The following COL12A1 variants were observed in gnomAD, a reference collection of about 807,000 sequenced individuals.
COL12A1 encodes the protein collagen type XII alpha 1 chain, also known as collagen alpha-1(XII) chain.
Under a neutral mutation model 349.7 loss-of-function variants are expected in COL12A1, and 114 were observed. The ratio of observed to expected loss-of-function variants is 0.33; its 90% CI spans 0.28 to 0.38. The LOEUF (loss-of-function observed/expected upper bound fraction) is 0.38, where lower values mean the gene tolerates loss of function less well. COL12A1 is among the 10% of genes least tolerant of loss of function. The pLI, the probability that COL12A1 is intolerant of heterozygous loss-of-function variation, is 1.00. For missense variants in COL12A1, 3,284 were observed against 3,756.9 expected (o/e 0.87, Z 3.29); for synonymous variants, 1,369 against 1,329.0 (o/e 1.03, Z -0.66).
intron 46 of COL12A1, chr6:75,117,798 T>C: frequency 2.7e-6 from 1 of 376,138 alleles, no homozygotes; most frequent in South Asian, 3.9e-5. Context: ...AAGATTTTAA[T>C]AGCAGAAAGA....
chr6:75,181,798 A>C (rs532831596), intron 10 of COL12A1, among the ~76,000 whole-genome samples: 1 of 152,110 alleles, frequency 6.6e-6, no homozygotes, highest in African/African-American at 2.4e-5. Context: ...ACAACCAAAA[A>C]AAAAAGGCAG....
chr6:75,141,878 T>C (rs1198631239), intron 27 of COL12A1, among the ~76,000 whole-genome samples, 154 bp downstream of exon 27: 4 of 152,160 alleles, frequency 2.6e-5, no homozygotes, highest in African/African-American at 4.8e-5. Flanking sequence ...GGACACCTTG[T>C]TACAAAAAAA....
intron 14 of COL12A1, among the ~76,000 whole-genome samples, chr6:75,162,434 T>A (rs1210323515): frequency 6.6e-6 from 1 of 152,172 alleles, no homozygotes; most frequent in Non-Finnish European, 1.5e-5. Context: ...TAATAAATGG[T>A]GTTGGGAAAA....
intron 13 of COL12A1, among the ~76,000 whole-genome samples, chr6:75,168,546 A>T (rs945076620): frequency 6.6e-6 from 1 of 152,186 alleles, no homozygotes; most frequent in Non-Finnish European, 1.5e-5. Flanking sequence ...ACTGGACTGG[A>T]CTTGAACCGA....
rs182911346 is a variant in COL12A1, at chr6:75,198,099, T to A, written c.74-3152A>T. On this transcript the variant is annotated intron_variant, in intron 2 of 65. Transcript: ENST00000322507. ...AGGCAACAACACTTGGATTACATGGTCTGACTACAAAACATACAGTTTTCT... is the reference window on the plus strand; with the variant it reads ...AGGCAACAACACTTGGATTACATGGACTGACTACAAAACATACAGTTTTCT... Among the ~76,000 whole-genome samples the A allele has an allele frequency of 2.0e-3, 297 of 152,306 alleles. 2 individuals carry two copies. Among genetic ancestry groups the A allele is most frequent in the African/African-American group, 6.6e-3 (273 of 41,574 alleles).
At position 75,189,301 on chromosome 6, in the gene COL12A1, T is replaced by C. The variant is rs752032668; in HGVS notation, c.739A>G (p.Ile247Val). 1 of 1,613,232 alleles carries C rather than the reference T, an allele frequency of 6.2e-7. No homozygotes were observed. The highest frequency in any genetic ancestry group is 1.3e-5 in the African/African-American group (1 of 75,002). Residue 247 changes from isoleucine to valine, a missense_variant, in exon 7 of 66, where the codon ATT (isoleucine) becomes GTT (valine). Around this residue, in one of 2 missense-constraint regions of COL12A1, gnomAD observed 2,601 missense variants for 2,824.8 expected, o/e 0.92. Transcript: ENST00000322507. ...ARVGFPKVAIIITDGKSQDEV... is the reference protein window; with the variant it reads ...ARVGFPKVAIVITDGKSQDEV... ...TCCTGGGATTTTCCATCCGTAATAA[T>C]AATTGCCACTTTAGGAAAGCCAACT... is the stretch of plus-strand genomic sequence containing the variant.
At chr6:75,202,896 G>A in intron 1 of COL12A1, 69 bp from the exon 2 acceptor site, 3 of 1,029,636 alleles carry the variant, frequency 2.9e-6, no homozygotes, top group Non-Finnish European at 4.3e-6. Flanking sequence ...TAGAACTGGA[G>A]CCTGGACCTA....
At position 75,097,165 on chromosome 6, in the gene COL12A1, G is replaced by A; in HGVS notation, c.8577+88C>T. 14 of 1,039,754 alleles carry A rather than the reference G, an allele frequency of 1.3e-5. No homozygotes were observed. In the South Asian group the frequency reaches 1.7e-4, roughly 13 times the overall value. 64.4% of individuals were successfully genotyped at this position (1,039,754 alleles called of 1,614,324 possible). ...CAATGATATACTCCACAGCACAGATGGAATGTGCTTCAAAGGCAGGTTACT... is the reference window on the plus strand; with the variant it reads ...CAATGATATACTCCACAGCACAGATAGAATGTGCTTCAAAGGCAGGTTACT... On this transcript the variant is annotated intron_variant, in intron 59 of 65. Coordinates refer to ENST00000322507, the MANE Select transcript of COL12A1 (RefSeq NM_004370.6).
At chr6:75,146,901 G>T (rs1207443443) in intron 23 of COL12A1, among the ~76,000 whole-genome samples, 1 of 152,180 alleles carries the variant, frequency 6.6e-6, no homozygotes, top group Non-Finnish European at 1.5e-5. Flanking sequence ...AAGAGATAAG[G>T]ATCTAAAACT....
intron 63 of COL12A1, among the ~76,000 whole-genome samples, chr6:75,089,594 A>T (rs1767661350): frequency 6.6e-6 from 1 of 152,196 alleles, no homozygotes; most frequent in Non-Finnish European, 1.5e-5. Context: ...TACTCCTTTG[A>T]CAAAAGTGGA....
intron 30 of COL12A1, 33 bp from the exon 31 acceptor site, chr6:75,137,612 A>T (rs1766688748): frequency 1.2e-6 from 2 of 1,612,340 alleles, no homozygotes; most frequent in African/African-American, 2.7e-5. Context: ...CTGAGTAAGC[A>T]GACAGAACAA....
Position 75,085,220 on chromosome 6 carries a change from C to T in COL12A1, c.*1327G>A, listed in dbSNP as rs1488483951. 2 of 468,924 alleles carry T rather than the reference C, an allele frequency of 4.3e-6. No individual in the cohort carries two copies. The highest frequency in any genetic ancestry group is 4.7e-5 in the Admixed American group (2 of 42,538). 29.0% of individuals were successfully genotyped at this position (468,924 alleles called of 1,614,324 possible). ...GCCCGGGTCCGTGGGGCAGGGCGCG[C>T]CGCCAGCGCCGGTGGGGCTCAGGAG... On this transcript the variant is annotated 3_prime_UTR_variant, in exon 66 of 66. Transcript: ENST00000322507.
chr6:75,147,621 A>T lies in COL12A1; in HGVS notation c.4417+54T>A, dbSNP rs541644343. 3 of 1,506,046 alleles carry T rather than the reference A, an allele frequency of 2.0e-6. No homozygotes were observed. In the African/African-American group the frequency reaches 4.3e-5, roughly 21 times the overall value. The allele number at this position is 1,506,046 out of a possible 1,614,324, so 93.3% of individuals were successfully genotyped here. ...GGAAGGTAGGCAAAAATGGGCCATCATGCTTTATCTTGGAAAAGAAAGCAA... is the reference window on the plus strand; with the variant it reads ...GGAAGGTAGGCAAAAATGGGCCATCTTGCTTTATCTTGGAAAAGAAAGCAA... On this transcript the variant is annotated intron_variant, in intron 23 of 65. Transcript: ENST00000322507.
At chr6:75,178,816 AAAGG>A (rs1769113057) in intron 11 of COL12A1, among the ~76,000 whole-genome samples, 1 of 152,212 alleles carries the variant, frequency 6.6e-6, no homozygotes, top group South Asian at 2.1e-4. Context: ...AGGGAGAAAG[AAAGG>A]AAGGAAGTAT....
intron 17 of COL12A1, among the ~76,000 whole-genome samples, chr6:75,152,939 C>A (rs551554845): frequency 2.6e-5 from 4 of 152,034 alleles, no homozygotes; most frequent in African/African-American, 9.6e-5. Context: ...TCATAGCAGA[C>A]AAGAATGAGA....
chr6:75,134,217 T>C (rs532169792), intron 32 of COL12A1, among the ~76,000 whole-genome samples: 4 of 152,158 alleles, frequency 2.6e-5, no homozygotes, highest in African/African-American at 7.2e-5. Flanking sequence ...CTTTCTATCC[T>C]AGAAAGTAAC....
At chr6:75,087,901 G>T (rs1767582531) in intron 64 of COL12A1, among the ~76,000 whole-genome samples, 154 bp from the exon 65 acceptor site, 1 of 152,170 alleles carries the variant, frequency 6.6e-6, no homozygotes, top group Admixed American at 6.5e-5. Flanking sequence ...TACCCAATAT[G>T]AACCAAGGTG....
rs1308564004 is a variant in COL12A1, at chr6:75,165,569, G to A, written c.2921C>T (p.Ser974Leu). The A allele has an allele frequency of 6.2e-7, 1 of 1,613,930 alleles. No homozygotes were observed. The highest frequency in any genetic ancestry group is 8.5e-7 in the Non-Finnish European group (1 of 1,179,886). ...NLQPETKYRI[S>L]VFATYSSGEG... ...TCCACTGCTGTAAGTGGCAAATACT[G>A]AAATTCTGTATTTGGTCTCTGGCTG... is the stretch of plus-strand genomic sequence containing the variant. The change falls in exon 14 of 66, where the codon TCA becomes TTA. Residue 974 changes from serine (S) to leucine (L), a missense_variant. Transcript: ENST00000322507.
chr6:75,086,877 G>A (rs1188803382), intron 65 of COL12A1, among the ~76,000 whole-genome samples: 1 of 151,942 alleles, frequency 6.6e-6, no homozygotes, highest in Admixed American at 6.6e-5. Context: ...TTTGAAAGTA[G>A]CAAATCATAT....
Sources: gnomAD v4.1 joint callset for allele counts (sites outside exome capture counted in the v4.1 genomes callset) on GRCh38, gnomAD v4.1.1 for gene constraint, gnomAD v4.1.1 regional missense constraint, MANE v1.5 for transcripts, NCBI Gene and HGNC (gene_info 2026-07-23, HGNC 2026-07-21) for gene names.